ARHGEF3: variants seen among roughly 807,000 people sequenced by gnomAD.
ARHGEF3 encodes the protein Rho guanine nucleotide exchange factor 3.
In ARHGEF3, 28 loss-of-function variants were observed where a neutral mutation model predicts 63.2. That is an observed-to-expected ratio of 0.44 (90% confidence interval 0.33 to 0.61). ARHGEF3 has a LOEUF of 0.61. ARHGEF3 is among the 20% of genes least tolerant of loss of function. The probability of loss-of-function intolerance (pLI) is 0.03; values close to 1 mark genes in which losing one functional copy is unlikely to be tolerated. For synonymous variants in ARHGEF3, 266 were observed against 254.2 expected, an observed-to-expected ratio of 1.05 and a Z score of -0.44; for missense variants, 533 against 659.3, an observed-to-expected ratio of 0.81 and a Z score of 2.10.
intron 9 of ARHGEF3, among the ~76,000 whole-genome samples, chr3:56,731,082 A>G (rs1464910066): frequency 6.6e-6 from 1 of 152,236 alleles, no homozygotes; most frequent in Admixed American, 6.5e-5. Context: ...AGTACTCAAG[A>G]AACATAAGCT....
intron 2 of ARHGEF3, among the ~76,000 whole-genome samples, chr3:56,972,721 T>C (rs1423722832): frequency 2.0e-5 from 3 of 150,308 alleles, no homozygotes; most frequent in Non-Finnish European, 3.0e-5. Context: ...GAGCGGAGAG[T>C]CACAGAAGGA....
chr3:57,073,936 C>A, intron 1 of ARHGEF3: 1 of 1,614,200 alleles, frequency 6.2e-7, no homozygotes, highest in Non-Finnish European at 8.5e-7. Context: ...CAAAGTGAGA[C>A]CTGTCAGAGA....
At chr3:57,051,417 G>T (rs1318113905) in intron 1 of ARHGEF3, among the ~76,000 whole-genome samples, 1 of 151,810 alleles carries the variant, frequency 6.6e-6, no homozygotes, top group African/African-American at 2.4e-5. Context: ...AACCCGTGAG[G>T]CGGAGTTTGA....
At position 57,015,600 on chromosome 3, in the gene ARHGEF3, A is replaced by ATT. The variant is rs11290143; in HGVS notation, c.62+19486_62+19487dup. ...AGGCGGACACCACCACGCCCTGCTAATTTTTTTTTTTTTTTTTTTTTAGTA... is the reference window on the plus strand; with the variant it reads ...AGGCGGACACCACCACGCCCTGCTAATTTTTTTTTTTTTTTTTTTTTTTAGTA... On this transcript the variant is annotated intron_variant, in intron 2 of 12. Transcript: ENST00000338458. Among the ~76,000 whole-genome samples, 147 of 129,232 alleles carry ATT rather than the reference A, an allele frequency of 1.1e-3. 1 individual carries two copies. Among genetic ancestry groups the ATT allele is most frequent in the East Asian group, 1.8e-3 (8 of 4,444 alleles). 84.8% of individuals were successfully genotyped at this position (129,232 alleles called of 152,430 possible).
At chr3:56,744,459 C>T (rs1347742444) in intron 7 of ARHGEF3, among the ~76,000 whole-genome samples, 2 of 148,206 alleles carry the variant, frequency 1.3e-5, no homozygotes, top group Admixed American at 6.8e-5. Context: ...GTTGCAGTGG[C>T]GTGATCTCAG....
chr3:56,991,677 C>T (rs1338541222), intron 2 of ARHGEF3, among the ~76,000 whole-genome samples: 1 of 152,164 alleles, frequency 6.6e-6, no homozygotes, highest in Non-Finnish European at 1.5e-5. Context: ...TGCAGTGGCA[C>T]GATCGCAGTT....
chr3:57,076,808 T>C (rs549013429), intron 1 of ARHGEF3: 3 of 152,260 alleles, frequency 2.0e-5, no homozygotes, highest in Non-Finnish European at 4.4e-5. Context: ...CTGTATGCCA[T>C]GGAGCAGGAG....
chr3:57,074,121 T>C (rs1229963963), intron 1 of ARHGEF3: 1 of 1,613,684 alleles, frequency 6.2e-7, no homozygotes, highest in Non-Finnish European at 8.5e-7. Flanking sequence ...GACCACAGGA[T>C]GGTTGTGGAG....
At chr3:57,002,165 C>A (rs1702222809) in intron 2 of ARHGEF3, among the ~76,000 whole-genome samples, 1 of 151,478 alleles carries the variant, frequency 6.6e-6, no homozygotes, top group Admixed American at 6.6e-5. Flanking sequence ...CCTGCCTCGG[C>A]CTCCCAAAGT....
chr3:56,825,419 C>T (rs1356081100), intron 4 of ARHGEF3, among the ~76,000 whole-genome samples: 1 of 152,146 alleles, frequency 6.6e-6, no homozygotes, highest in East Asian at 1.9e-4. Flanking sequence ...CTATAGTCAG[C>T]AGTTGGGAAG....
chr3:57,007,371 G>A, intron 2 of ARHGEF3: 3 of 1,288,346 alleles, frequency 2.3e-6, no homozygotes, highest in Non-Finnish European at 3.0e-6. Flanking sequence ...AGTCACCACT[G>A]CACGTGCCTT....
chr3:56,986,849 T>C (rs1174193044), intron 2 of ARHGEF3, among the ~76,000 whole-genome samples: 2 of 150,150 alleles, frequency 1.3e-5, no homozygotes, highest in Non-Finnish European at 1.5e-5. Context: ...TCTGGAGTGA[T>C]GGTCATAATC....
intron 2 of ARHGEF3, among the ~76,000 whole-genome samples, chr3:56,755,561 C>T (rs954499297): frequency 6.6e-6 from 1 of 152,192 alleles, no homozygotes; most frequent in Non-Finnish European, 1.5e-5. Flanking sequence ...CTCCTACTCT[C>T]CTCCTTCTAT....
chr3:57,047,103 C>T (rs1217279921), intron 1 of ARHGEF3, among the ~76,000 whole-genome samples: 1 of 152,178 alleles, frequency 6.6e-6, no homozygotes, highest in Non-Finnish European at 1.5e-5. Flanking sequence ...AATCCCAGCA[C>T]TTTGGGAGCC....
At chr3:57,014,137 C>T (rs1200923134) in intron 2 of ARHGEF3, among the ~76,000 whole-genome samples, 2 of 152,170 alleles carry the variant, frequency 1.3e-5, no homozygotes, top group Non-Finnish European at 2.9e-5. Context: ...AGCTGTAACA[C>T]TCAGCGGGAA....
chr3:56,730,915 T>G (rs2033103408), intron 9 of ARHGEF3, among the ~76,000 whole-genome samples: 1 of 152,202 alleles, frequency 6.6e-6, no homozygotes. Flanking sequence ...TCCTTCAAAT[T>G]TAGGCTCCAC....
intron 3 of ARHGEF3, among the ~76,000 whole-genome samples, chr3:56,898,950 A>C (rs2041410202): frequency 6.6e-6 from 1 of 152,162 alleles, no homozygotes; most frequent in Non-Finnish European, 1.5e-5. Flanking sequence ...GCTACTCGGG[A>C]GGCTGAGGCA....
At chr3:56,975,827 A>G (rs780609212) in intron 2 of ARHGEF3, 1 of 411,056 alleles carries the variant, frequency 2.4e-6, no homozygotes, top group South Asian at 1.8e-5. Context: ...AGGACTTAAA[A>G]AAAAATAATA....
upstream of ARHGEF3, among the ~76,000 whole-genome samples, chr3:56,803,825 C>A (rs116574411): frequency 0.023 from 3,479 of 152,010 alleles, 66 homozygotes; most frequent in South Asian, 0.043. Flanking sequence ...AAAATACCTT[C>A]ATTCATGGCA....
Sources: allele counts gnomAD v4.1 joint callset (sites outside exome capture counted in the v4.1 genomes callset), GRCh38; gene constraint gnomAD v4.1.1; transcripts MANE v1.5; gene names NCBI Gene and HGNC (gene_info 2026-07-23, HGNC 2026-07-21).